PLEKHA6: variants seen among roughly 807,000 people sequenced by gnomAD.
PLEKHA6 encodes the protein pleckstrin homology domain containing A6.
A neutral mutation model predicts 116.7 loss-of-function variants in PLEKHA6; 60 were observed. That is an observed-to-expected ratio of 0.51 (90% CI 0.42 to 0.64). PLEKHA6 has a LOEUF of 0.64. PLEKHA6 is among the 30% of genes least tolerant of loss of function. The pLI is 0.00. For synonymous variants in PLEKHA6, 489 were observed against 556.1 expected (o/e 0.88, Z 1.70); for missense variants, 1,338 against 1,422.7 (o/e 0.94, Z 0.96).
At position 204,223,652 on chromosome 1, in the gene PLEKHA6, A is replaced by C. The variant is rs1043188820; in HGVS notation, c.3032-67T>G. On this transcript the variant is annotated intron_variant, in intron 21 of 22. Transcript: ENST00000272203. The surrounding 1 kb of genome is among the most constrained non-coding windows in gnomAD (Gnocchi z 4.8). ...GGGGAGGAGGGTGGGCACCCAGAGC[A>C]AGCGAGGCCCTCCCCAGGCAGGGAG... 4.6e-6 allele frequency: 3 copies of C among 656,566 alleles called. No individual in the cohort carries two copies. Among genetic ancestry groups the C allele is most frequent in the Non-Finnish European group, 8.3e-6 (3 of 361,718 alleles). 40.7% of individuals were successfully genotyped at this position (656,566 alleles called of 1,614,324 possible). A position where few individuals can be genotyped will look rare whatever the true frequency, so the allele number is the denominator to read the frequency against.
intron 3 of PLEKHA6, among the ~76,000 whole-genome samples, chr1:204,365,729 G>A (rs1283152118): frequency 6.6e-6 from 1 of 152,214 alleles, no homozygotes; most frequent in East Asian, 1.9e-4. Context: ...AAAGGTTCTA[G>A]GAGGGAGTGA....
At chr1:204,308,408 A>G (rs1239656363) in intron 1 of PLEKHA6, among the ~76,000 whole-genome samples, 1 of 152,122 alleles carries the variant, frequency 6.6e-6, no homozygotes, top group Admixed American at 6.5e-5. Context: ...ACAGAGCGAG[A>G]CCCTGTCAAT....
At chr1:204,247,872 G>C (rs1230682837) in intron 12 of PLEKHA6, among the ~76,000 whole-genome samples, 1 of 151,900 alleles carries the variant, frequency 6.6e-6, no homozygotes, top group Non-Finnish European at 1.5e-5. Flanking sequence ...GAGATCACTT[G>C]AGCCCTGGAG....
At chr1:204,289,153 C>T (rs925670923) in intron 1 of PLEKHA6, among the ~76,000 whole-genome samples, 1 of 152,160 alleles carries the variant, frequency 6.6e-6, no homozygotes, top group African/African-American at 2.4e-5. Flanking sequence ...TCTCTAAACC[C>T]CATATCAGAG....
chr1:204,354,295 T>C lies in PLEKHA6; in HGVS notation c.-95+5399A>G, dbSNP rs1431440029. Among the ~76,000 whole-genome samples, 9 of 152,300 alleles carry C rather than the reference T, an allele frequency of 5.9e-5. No homozygotes were observed. In the South Asian group the frequency reaches 1.0e-3, roughly 18 times the overall value. ...ACCATGAAGCCTCAGCACTGATGCA[T>C]GTTTATCAGATCAGCACTGGCAGCT... On this transcript the variant is annotated intron_variant, in intron 1 of 22. Transcript: ENST00000272203.
chr1:204,221,419 C>G lies in PLEKHA6; in HGVS notation c.*1369G>C, dbSNP rs1659624503. 1 of 152,658 alleles carries G rather than the reference C, an allele frequency of 6.6e-6. No homozygotes were observed. Among genetic ancestry groups the G allele is most frequent in the Non-Finnish European group, 1.5e-5 (1 of 68,056 alleles). 9.5% of individuals were successfully genotyped at this position (152,658 alleles called of 1,614,324 possible). ...CTTCCTCCTCTCTGGCTACATTCGT[C>G]TCCAGGTGGGTGGAGCTGAGGAGGA... On this transcript the variant is annotated 3_prime_UTR_variant, in exon 23 of 23. Coordinates refer to ENST00000272203, the MANE Select transcript of PLEKHA6 (RefSeq NM_014935.5).
rs577040142 is a variant in PLEKHA6, at chr1:204,283,924, AG to A, written c.-94-9116del. On this transcript the variant is annotated intron_variant, in intron 1 of 22. Coordinates refer to ENST00000272203, the MANE Select transcript of PLEKHA6 (RefSeq NM_014935.5). ...TGCCCCTGCCCAGCACCTCACACAC[AG>A]GGGAACTGAATAACTGTTTGAGTTT... is the stretch of plus-strand genomic sequence containing the variant. 4.2e-3 allele frequency among the ~76,000 whole-genome samples: 638 copies of A among 152,276 alleles called. 5 individuals are homozygous for A. Among genetic ancestry groups the A allele is most frequent in the Non-Finnish European group, 6.9e-3 (471 of 68,016 alleles).
Position 204,221,579 on chromosome 1 carries a change from C to G in PLEKHA6, c.*1209G>C, listed in dbSNP as rs1285681576. On this transcript the variant is annotated 3_prime_UTR_variant, in exon 23 of 23. Coordinates refer to ENST00000272203, the MANE Select transcript of PLEKHA6 (RefSeq NM_014935.5). ...GCCTCCCAGATTAAGGCCTCATCCCCCCTCCTCAAGGCGTACTCTCAGCTG... is the reference window on the plus strand; with the variant it reads ...GCCTCCCAGATTAAGGCCTCATCCCGCCTCCTCAAGGCGTACTCTCAGCTG... 6.6e-6 allele frequency: 1 copy of G among 152,626 alleles called. No homozygotes were observed. The highest frequency in any genetic ancestry group is 1.9e-4 in the East Asian group (1 of 5,192). 9.5% of individuals were successfully genotyped at this position (152,626 alleles called of 1,614,324 possible).
intron 1 of PLEKHA6, among the ~76,000 whole-genome samples, chr1:204,284,085 G>A (rs1668922826): frequency 6.6e-6 from 1 of 152,200 alleles, no homozygotes. Flanking sequence ...GCCGGGATCA[G>A]TGTGCACAGT....
At chr1:204,350,314 G>A (rs898882452) in intron 1 of PLEKHA6, among the ~76,000 whole-genome samples, 15 of 152,168 alleles carry the variant, frequency 9.9e-5, no homozygotes, top group East Asian at 3.8e-4. Context: ...GAGTAAGACC[G>A]TGTCTCAAAA....
At chr1:204,227,733 T>A (rs1049638728) in intron 21 of PLEKHA6, among the ~76,000 whole-genome samples, 4 of 152,196 alleles carry the variant, frequency 2.6e-5, no homozygotes, top group Non-Finnish European at 4.4e-5. Context: ...AATATTTTTA[T>A]CTTTCTCAGT....
At chr1:204,283,970 A>G (rs1228221691) in intron 1 of PLEKHA6, among the ~76,000 whole-genome samples, 1 of 152,194 alleles carries the variant, frequency 6.6e-6, no homozygotes, top group Non-Finnish European at 1.5e-5. Flanking sequence ...GCTGTAGGGC[A>G]GGCCAGCAGG....
chr1:204,321,404 CT>C (rs1468284920), intron 1 of PLEKHA6, among the ~76,000 whole-genome samples: 4 of 151,708 alleles, frequency 2.6e-5, no homozygotes, highest in African/African-American at 9.7e-5. Flanking sequence ...GCTGTCAAGG[CT>C]TTTCACAGGC....
chr1:204,245,501 C>A, intron 14 of PLEKHA6, 114 bp downstream of exon 14: 1 of 674,194 alleles, frequency 1.5e-6, no homozygotes, highest in Admixed American at 2.5e-5. Flanking sequence ...CCCAAGAAGG[C>A]CCTGCCTGGC....
At chr1:204,307,878 C>A (rs1481081769) in intron 1 of PLEKHA6, 1 of 985,278 alleles carries the variant, frequency 1.0e-6, no homozygotes, top group African/African-American at 1.7e-5. Context: ...GCTTAAGTGG[C>A]ACTCAGGATC....
intron 1 of PLEKHA6, chr1:204,309,114 CA>C (rs1185684136): frequency 1.1e-6 from 1 of 902,674 alleles, no homozygotes; most frequent in African/African-American, 1.8e-5. Context: ...CAGTGCTCAG[CA>C]TGTAGTGCTT....
At chr1:204,229,151 C>G in intron 18 of PLEKHA6, 47 bp from the exon 19 acceptor site, 1 of 1,586,496 alleles carries the variant, frequency 6.3e-7, no homozygotes, top group Non-Finnish European at 8.6e-7. Context: ...CCCATGCCTC[C>G]AGGCAGCTCT....
intron 1 of PLEKHA6, among the ~76,000 whole-genome samples, chr1:204,334,355 T>C (rs568904662): frequency 2.2e-3 from 330 of 152,302 alleles, no homozygotes; most frequent in African/African-American, 7.7e-3. Context: ...ACTCTGACCC[T>C]CCACACAACT....
chr1:204,263,745 G>GGT (rs150607608), intron 6 of PLEKHA6, among the ~76,000 whole-genome samples: 13,301 of 151,156 alleles, frequency 0.088, 746 homozygotes, highest in Middle Eastern at 0.2. Flanking sequence ...TGTGTGTGTG[G>GGT]GTGTGTGTGT....
Sources: allele counts gnomAD v4.1 joint callset (sites outside exome capture counted in the v4.1 genomes callset), GRCh38; gene constraint gnomAD v4.1.1; non-coding constraint Gnocchi (gnomAD v3.1); transcripts MANE v1.5; gene names NCBI Gene and HGNC (gene_info 2026-07-23, HGNC 2026-07-21).